CDH20: variants seen among roughly 807,000 people sequenced by gnomAD.
CDH20 encodes the protein cadherin 20, also known as cadherin-20.
In CDH20, 29 loss-of-function variants were observed where a neutral mutation model predicts 74.2. The observed-to-expected ratio is 0.39, with a 90% confidence interval of 0.29 to 0.53. CDH20 has a LOEUF of 0.53. CDH20 is among the 20% of genes least tolerant of loss of function. The pLI is 0.69. For synonymous variants in CDH20, 469 were observed against 405.4 expected (o/e 1.16, Z -1.88); for missense variants, 988 against 1,048.3 (o/e 0.94, Z 0.79).
intron 1 of CDH20, among the ~76,000 whole-genome samples, chr18:61,444,265 A>G (rs1172536666): frequency 5.9e-5 from 9 of 152,110 alleles, no homozygotes; most frequent in African/African-American, 2.2e-4. Context: ...TGTCAGATGA[A>G]TGGGTGATGT....
intron 1 of CDH20, among the ~76,000 whole-genome samples, chr18:61,448,144 C>T (rs1055050479): frequency 1.3e-5 from 2 of 152,168 alleles, no homozygotes; most frequent in African/African-American, 4.8e-5. Context: ...AGACAGAGAA[C>T]ACAATGCTTG....
At chr18:61,336,557 A>T (rs902768110) in intron 1 of CDH20, among the ~76,000 whole-genome samples, 33 of 152,194 alleles carry the variant, frequency 2.2e-4, no homozygotes, top group African/African-American at 7.5e-4. Context: ...CCTGGTGGAG[A>T]AGTTATTGAA....
At chr18:61,354,569 A>G (rs1374681303) in intron 1 of CDH20, among the ~76,000 whole-genome samples, 2 of 152,152 alleles carry the variant, frequency 1.3e-5, no homozygotes, top group African/African-American at 4.8e-5. Context: ...AAATAGCACC[A>G]CTGCACTCCA....
chr18:61,415,165 A>G (rs1163708616), intron 1 of CDH20, among the ~76,000 whole-genome samples: 1 of 152,146 alleles, frequency 6.6e-6, no homozygotes, highest in Non-Finnish European at 1.5e-5. Flanking sequence ...CATTAACTGT[A>G]TATTTATCAT....
At chr18:61,367,714 C>A (rs964231871) in intron 1 of CDH20, among the ~76,000 whole-genome samples, 2 of 152,134 alleles carry the variant, frequency 1.3e-5, no homozygotes, top group African/African-American at 2.4e-5. Flanking sequence ...GGCTGCCTAA[C>A]AAAGTACCAC....
chr18:61,428,754 C>T (rs1297618316), intron 1 of CDH20, among the ~76,000 whole-genome samples: 1 of 152,230 alleles, frequency 6.6e-6, no homozygotes, highest in East Asian at 1.9e-4. Flanking sequence ...CTGAAACAGA[C>T]TTTTCCCTCT....
At position 61,333,496 on chromosome 18, in the gene CDH20, G is replaced by A. The variant is rs1374291192; in HGVS notation, c.-484G>A. 2 of 152,378 alleles carry A rather than the reference G, an allele frequency of 1.3e-5. No individual in the cohort carries two copies. Among genetic ancestry groups the A allele is most frequent in the Non-Finnish European group, 2.9e-5 (2 of 68,188 alleles). 9.4% of individuals were successfully genotyped at this position (152,378 alleles called of 1,614,324 possible). On this transcript the variant is annotated 5_prime_UTR_variant, in exon 1 of 12. Coordinates refer to ENST00000262717, the MANE Select transcript of CDH20 (RefSeq NM_031891.4). Reference sequence around the variant, plus strand: ...CCGCGCGCCACGCTCGGGGGACGGTGACCGCGACCAGGGGGCTCTTCTCAC... The same window carrying A: ...CCGCGCGCCACGCTCGGGGGACGGTAACCGCGACCAGGGGGCTCTTCTCAC...
At chr18:61,496,167 T>C (rs1012562036) in intron 2 of CDH20, among the ~76,000 whole-genome samples, 1 of 10,902 alleles carries the variant, frequency 9.2e-5, no homozygotes, top group African/African-American at 3.6e-4. Context: ...TCCCCTCCTC[T>C]CCCCCTCCCT....
intron 1 of CDH20, among the ~76,000 whole-genome samples, chr18:61,468,350 A>C (rs1236220349): frequency 6.6e-6 from 1 of 152,184 alleles, no homozygotes; most frequent in East Asian, 1.9e-4. Flanking sequence ...CAAAAGATTC[A>C]AGACATCAAG....
chr18:61,518,008 T>C (rs1912065391), intron 6 of CDH20, among the ~76,000 whole-genome samples: 1 of 151,974 alleles, frequency 6.6e-6, no homozygotes, highest in African/African-American at 2.4e-5. Context: ...CACCATGAAG[T>C]TCAAACTGGG....
At chr18:61,474,028 C>A (rs550398589) in intron 1 of CDH20, among the ~76,000 whole-genome samples, 1 of 152,268 alleles carries the variant, frequency 6.6e-6, no homozygotes, top group East Asian at 1.9e-4. Context: ...TTTTAAAACA[C>A]CATTGATTTC....
chr18:61,539,577 C>A (rs559537069), intron 9 of CDH20, among the ~76,000 whole-genome samples: 4 of 152,324 alleles, frequency 2.6e-5, no homozygotes, highest in African/African-American at 9.6e-5. Context: ...GTGTAGCACC[C>A]ATGGCAGTAA....
chr18:61,347,307 TATATATATATATAC>T lies in CDH20; in HGVS notation c.-153+13482_-153+13495del, dbSNP rs1388634465. Among the ~76,000 whole-genome samples the T allele has an allele frequency of 2.0e-3, 168 of 84,590 alleles. 4 individuals are homozygous for T. Among genetic ancestry groups the T allele is most frequent in the Admixed American group, 0.018 (145 of 8,228 alleles). 55.5% of individuals were successfully genotyped at this position (84,590 alleles called of 152,430 possible). Reference sequence around the variant, plus strand: ...CTGCTAATATATATATATATATATATATATATATATATACACACACACACACACACACACACACA... The same window carrying T: ...CTGCTAATATATATATATATATATATACACACACACACACACACACACACA... On this transcript the variant is annotated intron_variant, in intron 1 of 11. Coordinates refer to ENST00000262717, the MANE Select transcript of CDH20 (RefSeq NM_031891.4).
intron 3 of CDH20, among the ~76,000 whole-genome samples, chr18:61,499,959 C>T (rs182961937): frequency 6.6e-6 from 1 of 151,758 alleles, no homozygotes; most frequent in Admixed American, 6.6e-5. Flanking sequence ...AAAAAATTAG[C>T]CTGGTGTGGT....
chr18:61,337,483 T>A (rs1012068091), intron 1 of CDH20, among the ~76,000 whole-genome samples: 2 of 152,236 alleles, frequency 1.3e-5, no homozygotes, highest in African/African-American at 4.8e-5. Flanking sequence ...ACTTAAAAAG[T>A]AAATATTTCA....
chr18:61,377,458 C>T (rs553430580), intron 1 of CDH20, among the ~76,000 whole-genome samples: 316 of 151,906 alleles, frequency 2.1e-3, no homozygotes, highest in Non-Finnish European at 3.6e-3. Flanking sequence ...ATCAGACACG[C>T]GAAGCCTCAT....
chr18:61,346,078 G>A (rs775844577), intron 1 of CDH20, among the ~76,000 whole-genome samples: 3 of 152,166 alleles, frequency 2.0e-5, no homozygotes, highest in Non-Finnish European at 2.9e-5. Context: ...TCTGGAAAGC[G>A]TAGCTGACCT....
intron 1 of CDH20, among the ~76,000 whole-genome samples, chr18:61,457,359 T>C (rs1057040671): frequency 6.6e-6 from 1 of 152,138 alleles, no homozygotes; most frequent in Non-Finnish European, 1.5e-5. Context: ...AAAGTGCTTG[T>C]TGTACTATCT....
rs1214263878 is a variant in CDH20, at chr18:61,353,567, A to G, written c.-153+19740A>G. On this transcript the variant is annotated intron_variant, in intron 1 of 11. Transcript: ENST00000262717. The surrounding 1 kb of genome is among the most constrained non-coding windows in gnomAD (Gnocchi z 4.6). ...TGCTTTTGAATATCCGACAGTGTGT[A>G]TCACAGTGCTTTGCACATATTTTAG... 3.9e-5 allele frequency among the ~76,000 whole-genome samples: 6 copies of G among 152,364 alleles called. No homozygotes were observed. Among genetic ancestry groups the G allele is most frequent in the African/African-American group, 1.4e-4 (6 of 41,588 alleles).
Sources: allele counts gnomAD v4.1 joint callset (sites outside exome capture counted in the v4.1 genomes callset), GRCh38; gene constraint gnomAD v4.1.1; non-coding constraint Gnocchi (gnomAD v3.1); transcripts MANE v1.5; gene names NCBI Gene and HGNC (gene_info 2026-07-23, HGNC 2026-07-21).